The following RSU1 variants were observed in gnomAD, a reference collection of about 807,000 sequenced individuals.
The protein encoded by RSU1 is Ras suppressor protein 1.
RSU1 carries 26 observed loss-of-function variants against 31.1 expected under a neutral mutation model. The observed-to-expected ratio is 0.84, with a 90% CI of 0.61 to 1.16. RSU1 has a LOEUF of 1.16. Among genes scored for constraint, RSU1 ranks in the 50% most tolerant of loss-of-function variants. The pLI is 0.00. For synonymous variants in RSU1, 164 were observed against 136.3 expected, an observed-to-expected ratio of 1.20 and a Z score of -1.41; for missense variants, 320 against 339.1, an observed-to-expected ratio of 0.94 and a Z score of 0.44.
intron 4 of RSU1, among the ~76,000 whole-genome samples, chr10:16,761,997 G>A (rs1339415671): frequency 6.6e-6 from 1 of 152,024 alleles, no homozygotes; most frequent in East Asian, 1.9e-4. Flanking sequence ...TCTCATCTGT[G>A]GACTAAAGTG....
intron 7 of RSU1, among the ~76,000 whole-genome samples, chr10:16,719,205 G>A (rs1168853240): frequency 1.3e-5 from 2 of 152,054 alleles, no homozygotes; most frequent in African/African-American, 4.8e-5. Context: ...CTACTCAGGA[G>A]GCTGAGGCAA....
At chr10:16,625,666 T>A (rs1834144571) in intron 8 of RSU1, among the ~76,000 whole-genome samples, 1 of 152,126 alleles carries the variant, frequency 6.6e-6, no homozygotes, top group Non-Finnish European at 1.5e-5. Flanking sequence ...GCCTGGCCAA[T>A]AAATTATTTG....
At chr10:16,664,939 TTC>T (rs1447747038) in intron 8 of RSU1, among the ~76,000 whole-genome samples, 1 of 152,050 alleles carries the variant, frequency 6.6e-6, no homozygotes, top group Non-Finnish European at 1.5e-5. Flanking sequence ...CAGTTCTTTT[TTC>T]TTTCTTTCTT....
At chr10:16,733,472 C>G (rs926124074) in intron 7 of RSU1, among the ~76,000 whole-genome samples, 1 of 151,984 alleles carries the variant, frequency 6.6e-6, no homozygotes, top group Non-Finnish European at 1.5e-5. Flanking sequence ...CACACCACTG[C>G]ACTCCAGCTT....
At chr10:16,599,220 C>T (rs1249582192) in intron 8 of RSU1, among the ~76,000 whole-genome samples, 1 of 151,530 alleles carries the variant, frequency 6.6e-6, no homozygotes, top group East Asian at 1.9e-4. Context: ...GTGTGGCATA[C>T]CATGCAGGGC....
intron 7 of RSU1, among the ~76,000 whole-genome samples, chr10:16,733,028 A>C (rs1177392420): frequency 1.3e-5 from 2 of 152,180 alleles, no homozygotes; most frequent in African/African-American, 4.8e-5. Context: ...TCCAGCTCAC[A>C]GAAATATCTT....
chr10:16,621,330 T>C (rs1834066461), intron 8 of RSU1, among the ~76,000 whole-genome samples: 1 of 152,070 alleles, frequency 6.6e-6, no homozygotes, highest in Non-Finnish European at 1.5e-5. Context: ...AACTTACAGG[T>C]AAAATTAAAT....
intron 7 of RSU1, among the ~76,000 whole-genome samples, chr10:16,709,331 T>C (rs1432702730): frequency 6.6e-6 from 1 of 152,236 alleles, no homozygotes; most frequent in East Asian, 1.9e-4. Flanking sequence ...GAACTCATCA[T>C]TTTTTATGGC....
At chr10:16,777,577 T>A (rs1430782547) in intron 3 of RSU1, among the ~76,000 whole-genome samples, 1 of 152,190 alleles carries the variant, frequency 6.6e-6, no homozygotes, top group Non-Finnish European at 1.5e-5. Flanking sequence ...TGGTTTCTAA[T>A]CTTTAGGTAC....
chr10:16,739,176 G>A (rs1004439290), intron 7 of RSU1, among the ~76,000 whole-genome samples: 5 of 152,036 alleles, frequency 3.3e-5, no homozygotes, highest in Admixed American at 1.3e-4. Flanking sequence ...AAACATACAT[G>A]CACATGTATC....
intron 8 of RSU1, among the ~76,000 whole-genome samples, chr10:16,658,611 C>T (rs908602430): frequency 6.6e-6 from 1 of 152,140 alleles, no homozygotes; most frequent in Non-Finnish European, 1.5e-5. Flanking sequence ...GTAATCCCAG[C>T]TACTCAGGAG....
At chr10:16,716,517 T>TA (rs1046169156) in intron 7 of RSU1, among the ~76,000 whole-genome samples, 1 of 152,062 alleles carries the variant, frequency 6.6e-6, no homozygotes, top group African/African-American at 2.4e-5. Context: ...GCAAAGGGGA[T>TA]ATGCCCTCCT....
At chr10:16,780,603 G>C (rs559892869) in intron 3 of RSU1, among the ~76,000 whole-genome samples, 1 of 152,276 alleles carries the variant, frequency 6.6e-6, no homozygotes, top group South Asian at 2.1e-4. Context: ...TATCATTGTT[G>C]TAACAATGGT....
chr10:16,625,029 A>G (rs896347693), intron 8 of RSU1, among the ~76,000 whole-genome samples: 5 of 152,166 alleles, frequency 3.3e-5, no homozygotes, highest in Non-Finnish European at 7.4e-5. Flanking sequence ...TGTAGCCACA[A>G]CTTCATTTTT....
intron 7 of RSU1, among the ~76,000 whole-genome samples, chr10:16,728,050 C>CA (rs1474510291): frequency 6.6e-6 from 1 of 152,202 alleles, no homozygotes; most frequent in African/African-American, 2.4e-5. Flanking sequence ...TTGTATCTTT[C>CA]AAAACTGCCA....
intron 8 of RSU1, among the ~76,000 whole-genome samples, chr10:16,610,540 C>A (rs75573691): frequency 6.6e-6 from 1 of 152,120 alleles, no homozygotes; most frequent in African/African-American, 2.4e-5. Flanking sequence ...ATTGCACATG[C>A]GAGAGATCTA....
At chr10:16,771,070 T>C (rs777474451) in intron 3 of RSU1, among the ~76,000 whole-genome samples, 1 of 151,912 alleles carries the variant, frequency 6.6e-6, no homozygotes, top group Admixed American at 6.6e-5. Flanking sequence ...TTATAAAGCA[T>C]AGAAGGACAG....
chr10:16,598,727 C>T (rs1432323862), intron 8 of RSU1, among the ~76,000 whole-genome samples: 2 of 152,194 alleles, frequency 1.3e-5, no homozygotes, highest in African/African-American at 4.8e-5. Context: ...GGCAACCTAG[C>T]AACACTGGTT....
At chr10:16,679,307 G>GA (rs1835286402) in intron 8 of RSU1, among the ~76,000 whole-genome samples, 1 of 151,920 alleles carries the variant, frequency 6.6e-6, no homozygotes, top group African/African-American at 2.4e-5. Flanking sequence ...TCTTACAGGA[G>GA]AAAAAAACAC....
Sources: gnomAD v4.1 joint callset for allele counts (sites outside exome capture counted in the v4.1 genomes callset) on GRCh38, gnomAD v4.1.1 for gene constraint, MANE v1.5 for transcripts, NCBI Gene and HGNC (gene_info 2026-07-23, HGNC 2026-07-21) for gene names.